Variants in FER1L6 observed in about 807,000 individuals in gnomAD.
FER1L6 encodes fer-1-like protein 6.
FER1L6 carries 177 observed loss-of-function variants against 219.2 expected under a neutral mutation model. That is an observed-to-expected ratio of 0.81 (90% CI 0.71 to 0.91). The LOEUF is 0.91. FER1L6 is among the 40% of genes least tolerant of loss of function. The pLI, the probability that FER1L6 is intolerant of heterozygous loss-of-function variation, is 0.00. For missense variants in FER1L6, 2,153 were observed against 2,259.9 expected (o/e 0.95, Z 0.96); for synonymous variants, 768 against 824.3 (o/e 0.93, Z 1.17).
intron 35 of FER1L6, 81 bp from the exon 36 acceptor site, chr8:124,097,190 T>G (rs540847832): frequency 1.9e-6 from 2 of 1,031,538 alleles, no homozygotes; most frequent in East Asian, 4.9e-5. Flanking sequence ...TAAAGGGATC[T>G]TATAAAACCA....
chr8:123,938,968 C>T (rs558210135), intron 1 of FER1L6, among the ~76,000 whole-genome samples: 19 of 152,216 alleles, frequency 1.2e-4, no homozygotes, highest in Non-Finnish European at 2.6e-4. Context: ...GGGAAGAGTA[C>T]ACTGTTCGAG....
At chr8:123,930,396 A>G (rs565305056) in intron 1 of FER1L6, among the ~76,000 whole-genome samples, 5 of 152,230 alleles carry the variant, frequency 3.3e-5, no homozygotes, top group African/African-American at 1.2e-4. Flanking sequence ...GATACTTAAT[A>G]TATTTGTGTT....
At chr8:123,973,988 C>T (rs1465536108) in intron 7 of FER1L6, among the ~76,000 whole-genome samples, 1 of 152,206 alleles carries the variant, frequency 6.6e-6, no homozygotes, top group Non-Finnish European at 1.5e-5. Context: ...AAGAGTCTCA[C>T]TCATAAAAAT....
intron 2 of FER1L6, 148 bp from the exon 3 acceptor site, chr8:123,963,130 A>G: frequency 3.9e-6 from 4 of 1,018,896 alleles, no homozygotes; most frequent in Non-Finnish European, 5.7e-6. Context: ...TTCTGCCAAT[A>G]AGATGTTAAG....
chr8:123,889,217 C>T (rs1230211535), intron 1 of FER1L6, among the ~76,000 whole-genome samples: 2 of 152,126 alleles, frequency 1.3e-5, no homozygotes, highest in African/African-American at 4.8e-5. Context: ...TGAGAATCCC[C>T]ATGTAGTTAA....
At chr8:124,004,781 G>A (rs1240699855) in intron 13 of FER1L6, among the ~76,000 whole-genome samples, 4 of 152,082 alleles carry the variant, frequency 2.6e-5, no homozygotes, top group East Asian at 1.9e-4. Context: ...GGTGGATCGC[G>A]AGGTCAGGAG....
At position 123,985,933 on chromosome 8, in the gene FER1L6, A is replaced by G. The variant is rs572880703; in HGVS notation, c.1411-135A>G. ...TCATACATGTCTTATTTGGGGGGAA[A>G]CGCTGTGCCATTTCAGGCTGAAACA... On this transcript the variant is annotated intron_variant, in intron 11 of 40. Transcript: ENST00000522917. 2.1e-5 allele frequency: 13 copies of G among 609,832 alleles called. No homozygotes were observed. In the Admixed American group the frequency reaches 3.0e-4, roughly 14 times the overall value. 37.8% of individuals were successfully genotyped at this position (609,832 alleles called of 1,614,324 possible). A position where few individuals can be genotyped will look rare whatever the true frequency, so the allele number is the denominator to read the frequency against.
In FER1L6 at chr8:124,049,692, A is replaced by C; in HGVS notation, c.2810A>C (p.Tyr937Ser). 1 of 1,614,052 alleles carries C rather than the reference A, an allele frequency of 6.2e-7. No homozygotes were observed. The change falls in exon 22 of 41, where the codon TAT becomes TCT. Residue 937 changes from tyrosine to serine, a missense_variant. By Grantham distance (144) the Tyr-to-Ser change is moderately radical (BLOSUM62 -2). Transcript: ENST00000522917. ...GACTATGAGCCCCCCAGGTTATGCT[A>C]TCACCCCATCTTTTGTGGGAATCTC... ...DQDYEPPRLC[Y>S]HPIFCGNLSG... is the part of the protein sequence containing the mutation.
Position 124,021,531 on chromosome 8 carries a change from GACTCT to G in FER1L6, c.2014-18_2014-14del. The G allele has an allele frequency of 6.2e-7, 1 of 1,613,316 alleles. No individual in the cohort carries two copies. Among genetic ancestry groups the G allele is most frequent in the Non-Finnish European group, 8.5e-7 (1 of 1,179,350 alleles). On this transcript the variant is annotated splice_polypyrimidine_tract_variant and intron_variant, in intron 16 of 40. Coordinates refer to ENST00000522917, the MANE Select transcript of FER1L6 (RefSeq NM_001039112.2). ...CCAGATCTCTCGAAAGACCCACACT[GACTCT>G]TGTCTTGTTTTAGGAAGCAATGTGC...
chr8:123,869,401 C>T (rs1816889160), intron 1 of FER1L6, among the ~76,000 whole-genome samples: 1 of 152,142 alleles, frequency 6.6e-6, no homozygotes, highest in Non-Finnish European at 1.5e-5. Context: ...GGAGATCCTT[C>T]CATTGTCTCA....
At chr8:124,030,402 A>C (rs1038878515) in intron 18 of FER1L6, among the ~76,000 whole-genome samples, 3 of 152,092 alleles carry the variant, frequency 2.0e-5, no homozygotes, top group Non-Finnish European at 4.4e-5. Context: ...GATGGAACAG[A>C]ATTTGCAGAA....
At chr8:123,977,772 T>C (rs1244100640) in intron 10 of FER1L6, among the ~76,000 whole-genome samples, 163 bp downstream of exon 10, 4 of 152,166 alleles carry the variant, frequency 2.6e-5, no homozygotes, top group Non-Finnish European at 4.4e-5. Flanking sequence ...GGGATGGTTT[T>C]GGGATGAAAC....
intron 33 of FER1L6, among the ~76,000 whole-genome samples, chr8:124,090,320 A>G (rs574008863): frequency 3.9e-5 from 6 of 152,312 alleles, no homozygotes; most frequent in African/African-American, 1.4e-4. Flanking sequence ...CAAGTGCCTG[A>G]GAGAATTCCA....
intron 13 of FER1L6, among the ~76,000 whole-genome samples, chr8:124,007,082 A>G (rs988364423): frequency 6.6e-6 from 1 of 152,134 alleles, no homozygotes; most frequent in African/African-American, 2.4e-5. Flanking sequence ...TCTGCCAAAA[A>G]CTTATGTGGC....
At chr8:123,950,325 C>A (rs1388930707) in intron 1 of FER1L6, among the ~76,000 whole-genome samples, 1 of 152,196 alleles carries the variant, frequency 6.6e-6, no homozygotes, top group East Asian at 1.9e-4. Context: ...TCCCCCAACC[C>A]TTGGAGGATT....
chr8:123,980,659 A>G lies in FER1L6; in HGVS notation c.1258A>G (p.Lys420Glu), dbSNP rs754296474. The change falls in exon 11 of 41, where the codon AAG becomes GAG. Residue 420 changes from lysine to glutamate, a missense_variant. Lys to Glu is a moderately conservative substitution (Grantham distance 56). Coordinates refer to ENST00000522917, the MANE Select transcript of FER1L6 (RefSeq NM_001039112.2). ...AQESKFSKAL[K>E]ELKLPSKDKD... ...GGAATCTAAATTTTCCAAGGCCCTGAAGGAGCTCAAGTTGCCTTCCAAGGA... is the reference window on the plus strand; with the variant it reads ...GGAATCTAAATTTTCCAAGGCCCTGGAGGAGCTCAAGTTGCCTTCCAAGGA... 10 of 1,614,194 alleles carry G rather than the reference A, an allele frequency of 6.2e-6. No individual in the cohort carries two copies. The East Asian group carries it at 2.0e-4, about 32-fold the overall frequency.
rs1251303957 is a variant in FER1L6, at chr8:124,045,804, T to TA, written c.2627_2628insA (p.Met876IlefsTer6). 7 of 1,614,050 alleles carry TA rather than the reference T, an allele frequency of 4.3e-6. No homozygotes were observed. Among genetic ancestry groups the TA allele is most frequent in the Non-Finnish European group, 5.9e-6 (7 of 1,180,014 alleles). On this transcript the variant is annotated frameshift_variant, in exon 21 of 41. Coordinates refer to ENST00000522917, the MANE Select transcript of FER1L6 (RefSeq NM_001039112.2). LOFTEE classifies it high-confidence loss of function. ...ACCCTCTCTCCGACCTGGAACCAGA[T>TA]GCTGCTGTTCAATGATTTGGTGCTG...
intron 22 of FER1L6, 50 bp from the exon 23 acceptor site, chr8:124,060,130 C>A: frequency 7.1e-7 from 1 of 1,415,686 alleles, no homozygotes; most frequent in Non-Finnish European, 1.0e-6. Flanking sequence ...GGCACTGTTG[C>A]CTTCCCTGTG....
chr8:123,993,743 G>A (rs1284260728), intron 12 of FER1L6, among the ~76,000 whole-genome samples: 2 of 152,158 alleles, frequency 1.3e-5, no homozygotes, highest in East Asian at 3.9e-4. Flanking sequence ...TCTGGGTCTA[G>A]CCACCCAGAG....
Sources: gnomAD v4.1 joint callset for allele counts (sites outside exome capture counted in the v4.1 genomes callset) on GRCh38, gnomAD v4.1.1 for gene constraint, MANE v1.5 for transcripts, NCBI Gene and HGNC (gene_info 2026-07-23, HGNC 2026-07-21) for gene names.